MAX: variants seen among roughly 807,000 people sequenced by gnomAD.
The protein encoded by MAX is protein max.
In MAX, 3 loss-of-function variants were observed where a neutral mutation model predicts 22.3. The observed-to-expected ratio is 0.13, with a 90% CI of 0.06 to 0.35. The LOEUF (loss-of-function observed/expected upper bound fraction) is 0.35, where lower values mean the gene tolerates loss of function less well. Among genes scored for constraint, MAX ranks in the 10% least tolerant of loss-of-function variants. MAX has a pLI of 1.00. For missense variants in MAX, 119 were observed against 209.4 expected (o/e 0.57, Z 2.66); for synonymous variants, 72 against 77.7 (o/e 0.93, Z 0.39).
Position 65,093,670 on chromosome 14 carries a change from A to T in MAX, c.171+38T>A. 1 of 1,066,942 alleles carries T rather than the reference A, an allele frequency of 9.4e-7. No individual in the cohort carries two copies. Among genetic ancestry groups the T allele is most frequent in the Non-Finnish European group, 1.5e-6 (1 of 679,836 alleles). The allele number at this position is 1,066,942 out of a possible 1,614,324, so 66.1% of individuals were successfully genotyped here. A position where few individuals can be genotyped will look rare whatever the true frequency, so the allele number is the denominator to read the frequency against. Reference sequence around the variant, plus strand: ...TAAGCTCTGCAACAAGTTCCAAGCTAGTAGTGGCCAGCTACTCAGCTTTCT... The same window carrying T: ...TAAGCTCTGCAACAAGTTCCAAGCTTGTAGTGGCCAGCTACTCAGCTTTCT... On this transcript the variant is annotated intron_variant, in intron 3 of 4. Coordinates refer to ENST00000358664, the MANE Select transcript of MAX (RefSeq NM_002382.5). This position sits in a 1 kb window ranked among gnomAD's most constrained non-coding sequence, Gnocchi z 4.4.
In MAX at chr14:65,014,388, G is replaced by A. The variant is rs759647987; in HGVS notation, c.172-8104C>T. Among the ~76,000 whole-genome samples, 9 of 152,026 alleles carry A rather than the reference G, an allele frequency of 5.9e-5. No individual in the cohort carries two copies. Among genetic ancestry groups the A allele is most frequent in the Non-Finnish European group, 8.8e-5 (6 of 68,012 alleles). ...CGTGCTCCCTCAAAACTCTGTTTTCGTCCATTACAGCATTTCTCCAGGTAT... is the reference window on the plus strand; with the variant it reads ...CGTGCTCCCTCAAAACTCTGTTTTCATCCATTACAGCATTTCTCCAGGTAT... On this transcript the variant is annotated intron_variant, in intron 3 of 3. Coordinates refer to the MAX transcript ENST00000341653. The surrounding 1 kb of genome is among the most constrained non-coding windows in gnomAD (Gnocchi z 5.1).
chr14:65,072,287 A>G (rs769797718), downstream of MAX, among the ~76,000 whole-genome samples: 2 of 152,146 alleles, frequency 1.3e-5, no homozygotes, highest in Non-Finnish European at 2.9e-5. Flanking sequence ...GGGCTTCTAA[A>G]GGGGCTAGTG....
At chr14:65,068,872 A>T (rs565338321) in intron 3 of MAX, among the ~76,000 whole-genome samples, 1 of 152,258 alleles carries the variant, frequency 6.6e-6, no homozygotes, top group South Asian at 2.1e-4. Context: ...GTGAGACTTC[A>T]TTGCTACCTT....
At position 65,078,083 on chromosome 14, in the gene MAX, T is replaced by C. The variant is rs2063107868; in HGVS notation, c.172-47A>G. On this transcript the variant is annotated intron_variant, in intron 3 of 4. Coordinates refer to ENST00000358664, the MANE Select transcript of MAX (RefSeq NM_002382.5). The surrounding 1 kb of genome is among the most constrained non-coding windows in gnomAD (Gnocchi z 6.4). ...CACAGGGGACAAAATAAAAACCCAATCCAGGCAGTGAGGGAACCTGGCCTG... is the reference window on the plus strand; with the variant it reads ...CACAGGGGACAAAATAAAAACCCAACCCAGGCAGTGAGGGAACCTGGCCTG... 1.2e-6 allele frequency: 2 copies of C among 1,613,586 alleles called. No homozygotes were observed. Among genetic ancestry groups the C allele is most frequent in the African/African-American group, 1.3e-5 (1 of 75,032 alleles).
At chr14:65,026,986 T>G (rs534762775) in intron 3 of MAX, among the ~76,000 whole-genome samples, 1 of 151,764 alleles carries the variant, frequency 6.6e-6, no homozygotes, top group Admixed American at 6.6e-5. Flanking sequence ...TAGGCCTAGG[T>G]GATGGATCCT....
chr14:65,075,226 C>T lies in MAX; in HGVS notation c.*1250G>A. 1 of 1,054,096 alleles carries T rather than the reference C, an allele frequency of 9.5e-7. No homozygotes were observed. Among genetic ancestry groups the T allele is most frequent in the Non-Finnish European group, 1.1e-6 (1 of 872,154 alleles). The allele number at this position is 1,054,096 out of a possible 1,614,324, so 65.3% of individuals were successfully genotyped here. A position where few individuals can be genotyped will look rare whatever the true frequency, so the allele number is the denominator to read the frequency against. ...AGTATGTACAACATACTTTTTATTT[C>T]CATGGAATGGAATCAAACACGAACT... On this transcript the variant is annotated 3_prime_UTR_variant, in exon 5 of 5. Transcript: ENST00000358664. The surrounding 1 kb of genome is among the most constrained non-coding windows in gnomAD (Gnocchi z 4.1).
intron 3 of MAX, among the ~76,000 whole-genome samples, chr14:65,046,674 G>A (rs2062488058): frequency 6.6e-6 from 1 of 152,200 alleles, no homozygotes; most frequent in African/African-American, 2.4e-5. Context: ...AGGGAAGTGT[G>A]TTGAAAGGAG....
Position 65,047,281 on chromosome 14 carries a change from C to T in MAX, c.172-40997G>A, listed in dbSNP as rs1214820111. 6.6e-6 allele frequency among the ~76,000 whole-genome samples: 1 copy of T among 152,186 alleles called. No individual in the cohort carries two copies. Among genetic ancestry groups the T allele is most frequent in the Non-Finnish European group, 1.5e-5 (1 of 68,026 alleles). On this transcript the variant is annotated intron_variant, in intron 3 of 3. Transcript: ENST00000341653. The surrounding 1 kb of genome is among the most constrained non-coding windows in gnomAD (Gnocchi z 5.2). ...CATTGTTTACAGATGAGGAAACAAA[C>T]TACAGTGAGGTTAAGTGATTGCTTT...
At chr14:65,061,037 C>G (rs1194762351) in intron 3 of MAX, 7 of 1,337,938 alleles carry the variant, frequency 5.2e-6, no homozygotes, top group African/African-American at 1.5e-5. Flanking sequence ...TTAGCAAATA[C>G]ACCATTTTTG....
rs1240679751 is a variant in MAX, at chr14:65,027,566, T to C, written c.172-21282A>G. The C allele has an allele frequency of 2.5e-6, 4 of 1,614,188 alleles. No homozygotes were observed. Among genetic ancestry groups the C allele is most frequent in the African/African-American group, 1.3e-5 (1 of 75,044 alleles). On this transcript the variant is annotated intron_variant, in intron 3 of 3. Transcript: ENST00000341653. This position sits in a 1 kb window ranked among gnomAD's most constrained non-coding sequence, Gnocchi z 5.7. Reference sequence around the variant, plus strand: ...GCAGCAGTCAATGCATTGTGCATCATTGGCACCGAGGAGGCCTATGACATC... The same window carrying C: ...GCAGCAGTCAATGCATTGTGCATCACTGGCACCGAGGAGGCCTATGACATC...
Position 65,014,238 on chromosome 14 carries a change from A to G in MAX, c.172-7954T>C, listed in dbSNP as rs1189504150. ...TTTATAAAACTGGGGCAGTACTCCTACCTACCCTGCCTAGCCTTGAATGCT... is the reference window on the plus strand; with the variant it reads ...TTTATAAAACTGGGGCAGTACTCCTGCCTACCCTGCCTAGCCTTGAATGCT... On this transcript the variant is annotated intron_variant, in intron 3 of 3. Transcript: ENST00000341653. This position sits in a 1 kb window ranked among gnomAD's most constrained non-coding sequence, Gnocchi z 5.1. Among the ~76,000 whole-genome samples, 6 of 152,158 alleles carry G rather than the reference A, an allele frequency of 3.9e-5. No individual in the cohort carries two copies. The highest frequency in any genetic ancestry group is 7.3e-5 in the Non-Finnish European group (5 of 68,032).
intron 3 of MAX, among the ~76,000 whole-genome samples, chr14:65,034,302 G>A (rs777091604): frequency 2.6e-5 from 4 of 152,250 alleles, no homozygotes; most frequent in African/African-American, 4.8e-5. Flanking sequence ...TCTCTCCTTC[G>A]TTGAAGTCCC....
intron 3 of MAX, among the ~76,000 whole-genome samples, chr14:65,058,204 TCTTTA>T (rs1318530692): frequency 5.0e-5 from 6 of 120,132 alleles, no homozygotes; most frequent in Admixed American, 4.6e-4. Context: ...ATTTTTCTTT[TCTTTA>T]ATGTCTTTCA....
chr14:65,080,706 T>C (rs1240931085), intron 3 of MAX, among the ~76,000 whole-genome samples: 1 of 152,242 alleles, frequency 6.6e-6, no homozygotes, highest in Non-Finnish European at 1.5e-5. Context: ...AATTTGCCTA[T>C]GTAAAAGCTA....
At chr14:65,006,217 A>G in exon 4 of MAX, 1 of 1,612,604 alleles carries the variant, frequency 6.2e-7, no homozygotes, top group Non-Finnish European at 8.5e-7. Flanking sequence ...GCCATGGCAG[A>G]AAACAGTTGG....
At chr14:65,066,248 GGCCGTGATGA>G in intron 3 of MAX, among the ~76,000 whole-genome samples, 1 of 152,352 alleles carries the variant, frequency 6.6e-6, no homozygotes, top group East Asian at 1.9e-4. Flanking sequence ...GGCTCAGTGA[GGCCGTGATGA>G]GTCCGTCTTC....
At chr14:65,083,018 T>C (rs2139789763) in intron 3 of MAX, among the ~76,000 whole-genome samples, 1 of 152,290 alleles carries the variant, frequency 6.6e-6, no homozygotes, top group South Asian at 2.1e-4. Context: ...TCATTACCTC[T>C]TGGCAGCCCA....
rs1260253918 is a variant in MAX, at chr14:65,047,377, C to T, written c.172-41093G>A. 6.6e-6 allele frequency among the ~76,000 whole-genome samples: 1 copy of T among 151,424 alleles called. No individual in the cohort carries two copies. Among genetic ancestry groups the T allele is most frequent in the African/African-American group, 2.5e-5 (1 of 40,728 alleles). ...AATCCAGACTAGCTGGCATCTGAAC[C>T]CTGCCCTGCTCATAACCACAGTAGG... On this transcript the variant is annotated intron_variant, in intron 3 of 3. Coordinates refer to the MAX transcript ENST00000341653. The surrounding 1 kb of genome is among the most constrained non-coding windows in gnomAD (Gnocchi z 5.2).
chr14:65,076,420 AG>A lies in MAX; in HGVS notation c.*55del. 6.2e-7 allele frequency: 1 copy of A among 1,611,786 alleles called. No homozygotes were observed. ...CTGAGGGCTCTACCAACGAACTGAA[AG>A]GAGGATGAGACGATGGAGACAGACA... On this transcript the variant is annotated 3_prime_UTR_variant, in exon 5 of 5. Transcript: ENST00000358664. This position sits in a 1 kb window ranked among gnomAD's most constrained non-coding sequence, Gnocchi z 6.6.
Sources: gnomAD v4.1 joint callset for allele counts (sites outside exome capture counted in the v4.1 genomes callset) on GRCh38, gnomAD v4.1.1 for gene constraint, Gnocchi (gnomAD v3.1) non-coding constraint, MANE v1.5 for transcripts, NCBI Gene and HGNC (gene_info 2026-07-23, HGNC 2026-07-21) for gene names.